The following CAMSAP2 variants were observed in gnomAD, a reference collection of about 807,000 sequenced individuals.
CAMSAP2 encodes calmodulin regulated spectrin associated protein family member 2, also known as calmodulin-regulated spectrin-associated protein 2.
In CAMSAP2, 26 loss-of-function variants were observed where a neutral mutation model predicts 146.1. The ratio of observed to expected loss-of-function variants is 0.18; its 90% CI spans 0.13 to 0.25. CAMSAP2 has a LOEUF of 0.25. Among genes scored for constraint, CAMSAP2 ranks in the 10% least tolerant of loss-of-function variants. The pLI is 1.00. For synonymous variants in CAMSAP2, 499 were observed against 596.6 expected (o/e 0.84, Z 2.38); for missense variants, 1,381 against 1,759.3 (o/e 0.78, Z 3.85).
At chr1:200,769,349 CTCTTT>C (rs1665048451) in intron 2 of CAMSAP2, among the ~76,000 whole-genome samples, 1 of 152,188 alleles carries the variant, frequency 6.6e-6, no homozygotes. Context: ...TACTAAGTTT[CTCTTT>C]TCTTCTTAGA....
chr1:200,810,857 C>T (rs1013868351), intron 3 of CAMSAP2, among the ~76,000 whole-genome samples: 2 of 152,154 alleles, frequency 1.3e-5, no homozygotes, highest in Non-Finnish European at 2.9e-5. Context: ...CCACTGCACA[C>T]CAGCCTGGGC....
At position 200,847,244 on chromosome 1, in the gene CAMSAP2, C is replaced by T. The variant is rs147502751; in HGVS notation, c.1144C>T (p.His382Tyr). The T allele has an allele frequency of 1.6e-4, 266 of 1,612,302 alleles. 2 individuals are homozygous for T. In the African/African-American group the frequency reaches 3.3e-3, roughly 20 times the overall value. The change falls in exon 9 of 17, where the codon CAT (histidine) becomes TAT (tyrosine). Residue 382 changes from histidine (H) to tyrosine (Y), a missense_variant. Transcript: ENST00000358823. ...AGCTACATTTACACAGTCTCATCAT[C>T]ATTTGCCTTCTAGGTATTCACGTCC... ...EGATFTQSHH[H>Y]LPSRYSRPQA... is the part of the protein sequence containing the mutation.
rs1349267363 is a variant in CAMSAP2 at position 200,848,482 on chromosome 1, T to C, written c.1713T>C (p.His571=). The C allele has an allele frequency of 6.2e-7, 1 of 1,613,324 alleles. No homozygotes were observed. Among genetic ancestry groups the C allele is most frequent in the Admixed American group, 1.7e-5 (1 of 59,940 alleles). The stretch of plus-strand genomic sequence containing the variant: ...AAATTGCTAATGGCTTCTTTCTTCA[T>C]AGTCAAGAAATGAGTATCTTAAATT... ...PDQIANGFFL[H]SQEMSILNSN... Residue 571 remains histidine (H), a synonymous_variant, in exon 11 of 17, where the codon CAT becomes CAC. Coordinates refer to ENST00000358823, the MANE Select transcript of CAMSAP2 (RefSeq NM_203459.4).
chr1:200,814,128 T>TGGGG (rs1558188993), intron 3 of CAMSAP2, among the ~76,000 whole-genome samples: 1 of 7,782 alleles, frequency 1.3e-4, no homozygotes, highest in Non-Finnish European at 2.3e-4. Flanking sequence ...AAAAAAAAGG[T>TGGGG]GGCGGGGGGA....
chr1:200,822,900 A>G (rs1298012507), intron 4 of CAMSAP2, among the ~76,000 whole-genome samples: 8 of 152,152 alleles, frequency 5.3e-5, no homozygotes, highest in Non-Finnish European at 1.2e-4. Flanking sequence ...TTATTTCTGG[A>G]ATTTTTCATT....
intron 4 of CAMSAP2, among the ~76,000 whole-genome samples, chr1:200,825,292 C>T (rs1348100994): frequency 6.6e-6 from 1 of 151,806 alleles, no homozygotes; most frequent in Non-Finnish European, 1.5e-5. Context: ...AGTATCAATC[C>T]CTCCCCTATC....
At position 200,849,816 on chromosome 1, in the gene CAMSAP2, C is replaced by T. The variant is rs771946057; in HGVS notation, c.3047C>T (p.Thr1016Ile). The change falls in exon 11 of 17, where the codon ACT (threonine) becomes ATT (isoleucine). Residue 1016 changes from threonine (T) to isoleucine (I), a missense_variant. Physicochemically the swap from Thr to Ile is moderately conservative, Grantham distance 89. This residue lies in a region of CAMSAP2 where 560 missense variants were observed against 715.9 expected (regional missense o/e 0.78). Transcript: ENST00000358823. This position sits in a 1 kb window ranked among gnomAD's most constrained non-coding sequence, Gnocchi z 6.3. ...RFSPSQVPIQTRSFVCFGDDG... is the reference protein window; with the variant it reads ...RFSPSQVPIQIRSFVCFGDDG... ...TCACCAAGTCAAGTTCCTATTCAAA[C>T]TAGGTCATTTGTATGTTTTGGGGAT... 10 of 1,614,168 alleles carry T rather than the reference C, an allele frequency of 6.2e-6. No homozygotes were observed. The South Asian group carries it at 1.1e-4, about 18-fold the overall frequency.
At chr1:200,814,939 G>T (rs193088258) in intron 3 of CAMSAP2, among the ~76,000 whole-genome samples, 139 of 151,330 alleles carry the variant, frequency 9.2e-4, no homozygotes, top group Non-Finnish European at 1.4e-3. Context: ...GTCTTCTCAA[G>T]AAATAATTTA....
chr1:200,842,236 T>G (rs1667343018), intron 7 of CAMSAP2, 149 bp downstream of exon 7: 1 of 606,952 alleles, frequency 1.6e-6, no homozygotes, highest in Non-Finnish European at 2.9e-6. Context: ...CCTAACCTCT[T>G]AAAATGGTTA....
chr1:200,759,665 A>G (rs1664746490), intron 1 of CAMSAP2, among the ~76,000 whole-genome samples: 1 of 152,216 alleles, frequency 6.6e-6, no homozygotes, highest in African/African-American at 2.4e-5. Flanking sequence ...AGCTAAGATC[A>G]GTGATGGGAT....
intron 2 of CAMSAP2, among the ~76,000 whole-genome samples, chr1:200,777,501 C>T (rs549059813): frequency 2.0e-5 from 3 of 152,040 alleles, no homozygotes; most frequent in East Asian, 1.9e-4. Context: ...AGAGATAAAT[C>T]GTATTGAACA....
rs1185236373 is a variant in CAMSAP2 at position 200,816,605 on chromosome 1, A to AATATAT, written c.645+976_645+981dup. On this transcript the variant is annotated intron_variant, in intron 4 of 16. Coordinates refer to ENST00000358823, the MANE Select transcript of CAMSAP2 (RefSeq NM_203459.4). ...GCAAAACTTCATCTCAAAAAAAAAA[A>AATATAT]ATATATATATATATATATATGTATA... Among the ~76,000 whole-genome samples, 9 of 111,226 alleles carry AATATAT rather than the reference A, an allele frequency of 8.1e-5. No individual in the cohort carries two copies. The East Asian group carries it at 1.0e-3, about 12-fold the overall frequency. The allele number at this position is 111,226 out of a possible 152,430, so 73.0% of individuals were successfully genotyped here.
intron 4 of CAMSAP2, among the ~76,000 whole-genome samples, chr1:200,822,678 G>A (rs1220828267): frequency 2.0e-5 from 3 of 152,172 alleles, no homozygotes; most frequent in African/African-American, 7.2e-5. Flanking sequence ...ATCCTCAGAG[G>A]ATATGTTCCA....
chr1:200,834,841 G>C (rs1394095542), intron 6 of CAMSAP2, among the ~76,000 whole-genome samples: 1 of 152,148 alleles, frequency 6.6e-6, no homozygotes, highest in Non-Finnish European at 1.5e-5. Context: ...GAACCTAGGA[G>C]GCTGAGACTG....
At chr1:200,750,892 C>CATACCCA in intron 1 of CAMSAP2, among the ~76,000 whole-genome samples, 1 of 139,614 alleles carries the variant, frequency 7.2e-6, no homozygotes, top group East Asian at 2.1e-4. Flanking sequence ...CATGAGCCAC[C>CATACCCA]GCGCCTGCCT....
intron 1 of CAMSAP2, among the ~76,000 whole-genome samples, chr1:200,744,418 C>A (rs1293255260): frequency 6.6e-6 from 1 of 152,050 alleles, no homozygotes; most frequent in African/African-American, 2.4e-5. Flanking sequence ...AATTGAGATG[C>A]CATTGACAGA....
chr1:200,816,771 C>T (rs1666522212), intron 4 of CAMSAP2, among the ~76,000 whole-genome samples: 1 of 122,204 alleles, frequency 8.2e-6, no homozygotes, highest in African/African-American at 3.1e-5. Flanking sequence ...TGTACACACA[C>T]ACGCGTGTAT....
rs1360110533 is a variant in CAMSAP2 at position 200,747,636 on chromosome 1, G to GGGATGGGCTTTGGTTT, written c.139+7670_139+7671insGGATGGGCTTTGGTTT. ...GTTTTGATTTGATCAGGGCTGTAGC[G>GGGATGGGCTTTGGTTT]TCATTTCTCTGTGATTCTTTTAGCT... On this transcript the variant is annotated intron_variant, in intron 1 of 16. Coordinates refer to ENST00000358823, the MANE Select transcript of CAMSAP2 (RefSeq NM_203459.4). Among the ~76,000 whole-genome samples, 1,128 of 152,274 alleles carry GGGATGGGCTTTGGTTT rather than the reference G, an allele frequency of 7.4e-3. 11 individuals are homozygous for GGGATGGGCTTTGGTTT. Among genetic ancestry groups the GGGATGGGCTTTGGTTT allele is most frequent in the Middle Eastern group, 0.044 (13 of 294 alleles).
intron 4 of CAMSAP2, among the ~76,000 whole-genome samples, chr1:200,830,947 C>G (rs1571809305): frequency 6.6e-6 from 1 of 152,114 alleles, no homozygotes; most frequent in Non-Finnish European, 1.5e-5. Flanking sequence ...TGATGCTTTT[C>G]TGAGAGATAG....
Sources: allele counts gnomAD v4.1 joint callset (sites outside exome capture counted in the v4.1 genomes callset), GRCh38; gene constraint gnomAD v4.1.1; regional missense constraint gnomAD v4.1.1; non-coding constraint Gnocchi (gnomAD v3.1); transcripts MANE v1.5; gene names NCBI Gene and HGNC (gene_info 2026-07-23, HGNC 2026-07-21).